The following DSTN variants were observed in gnomAD, a reference collection of about 807,000 sequenced individuals.
DSTN encodes destrin, actin depolymerizing factor.
A neutral mutation model predicts 16.8 loss-of-function variants in DSTN; 10 were observed. The ratio of observed to expected loss-of-function variants is 0.60; its 90% CI spans 0.37 to 1.01. The LOEUF is 1.01. Among genes scored for constraint, DSTN ranks in the 50% least tolerant of loss-of-function variants. DSTN has a pLI of 0.01. For missense variants in DSTN, 141 were observed against 196.7 expected, an observed-to-expected ratio of 0.72 and a Z score of 1.69; for synonymous variants, 57 against 58.9, an observed-to-expected ratio of 0.97 and a Z score of 0.14.
intron 3 of DSTN, 86 bp from the exon 4 acceptor site, chr20:17,606,951 C>A: frequency 7.7e-7 from 1 of 1,299,038 alleles, no homozygotes; most frequent in Non-Finnish European, 1.1e-6. Flanking sequence ...CAGATTAGAA[C>A]TGGTCTTTTA....
intron 1 of DSTN, among the ~76,000 whole-genome samples, chr20:17,575,436 TAATA>T (rs1368489088): frequency 2.0e-5 from 3 of 151,892 alleles, no homozygotes; most frequent in African/African-American, 7.3e-5. Flanking sequence ...CCACAGAGCA[TAATA>T]AATAAGTAGA....
chr20:17,575,419 A>G (rs953869511), intron 1 of DSTN, among the ~76,000 whole-genome samples: 5 of 152,070 alleles, frequency 3.3e-5, no homozygotes, highest in African/African-American at 1.2e-4. Context: ...TCATTTGCAT[A>G]TGTAAACCAC....
At chr20:17,574,870 GTTTTTTTT>G (rs533880691) in intron 1 of DSTN, among the ~76,000 whole-genome samples, 1 of 81,158 alleles carries the variant, frequency 1.2e-5, no homozygotes, top group African/African-American at 4.9e-5. Flanking sequence ...CTTTTCTTTT[GTTTTTTTT>G]TTTTTTTTTT....
At chr20:17,595,256 T>G (rs2035514000) in intron 1 of DSTN, among the ~76,000 whole-genome samples, 1 of 152,152 alleles carries the variant, frequency 6.6e-6, no homozygotes, top group Non-Finnish European at 1.5e-5. Context: ...TGTTCTGAAT[T>G]GTTAGTAGTA....
At chr20:17,582,372 C>T (rs555314410) in intron 1 of DSTN, among the ~76,000 whole-genome samples, 11 of 152,242 alleles carry the variant, frequency 7.2e-5, no homozygotes, top group African/African-American at 2.4e-4. Flanking sequence ...AACCACCACA[C>T]CCGGCCCCGA....
In DSTN at chr20:17,607,483, C is replaced by CT. The variant is rs1207602898; in HGVS notation, c.*340dup. 1 of 197,062 alleles carries CT rather than the reference C, an allele frequency of 5.1e-6. No homozygotes were observed. The highest frequency in any genetic ancestry group is 1.0e-5 in the Non-Finnish European group (1 of 98,048). 12.2% of individuals were successfully genotyped at this position (197,062 alleles called of 1,614,324 possible). On this transcript the variant is annotated 3_prime_UTR_variant, in exon 4 of 4. Transcript: ENST00000246069. Reference sequence around the variant, plus strand: ...ACATCTTTATTAACCTCAGCATTTACTTTGTTTCTTTTGCTTAGGAAATTG... The same window carrying CT: ...ACATCTTTATTAACCTCAGCATTTACTTTTGTTTCTTTTGCTTAGGAAATTG...
At position 17,608,614 on chromosome 20, in the gene DSTN, T is replaced by G. The variant is rs1017862158; in HGVS notation, c.*1468T>G. The G allele has an allele frequency of 6.4e-5, 8 of 124,870 alleles. No homozygotes were observed. The highest frequency in any genetic ancestry group is 1.1e-4 in the Non-Finnish European group (7 of 62,882). 7.7% of individuals were successfully genotyped at this position (124,870 alleles called of 1,614,324 possible). A position where few individuals can be genotyped will look rare whatever the true frequency, so the allele number is the denominator to read the frequency against. ...GCCTGGATGACAGAGCAAGACCTTG[T>G]CTCAAAAAAAAAAAAAAAAGTCACA... On this transcript the variant is annotated 3_prime_UTR_variant, in exon 4 of 4. Transcript: ENST00000246069.
At chr20:17,574,244 G>A (rs1365995295) in intron 1 of DSTN, among the ~76,000 whole-genome samples, 2 of 152,058 alleles carry the variant, frequency 1.3e-5, no homozygotes, top group African/African-American at 4.8e-5. Flanking sequence ...ACCTCATACT[G>A]AGGAGTAATA....
chr20:17,574,807 C>CTCCTT (rs1164894287), intron 1 of DSTN, among the ~76,000 whole-genome samples: 1 of 141,814 alleles, frequency 7.1e-6, no homozygotes, highest in Non-Finnish European at 1.5e-5. Flanking sequence ...TCTTTTCTTT[C>CTCCTT]TCCTTTCCTT....
intron 1 of DSTN, among the ~76,000 whole-genome samples, chr20:17,573,765 T>C (rs192389269): frequency 2.6e-5 from 4 of 152,338 alleles, no homozygotes; most frequent in Admixed American, 1.3e-4. Flanking sequence ...ACTAGTGAGC[T>C]GACTCTTTTC....
At chr20:17,590,421 G>A (rs2035457178) in intron 1 of DSTN, among the ~76,000 whole-genome samples, 1 of 152,162 alleles carries the variant, frequency 6.6e-6, no homozygotes, top group African/African-American at 2.4e-5. Context: ...GTTAAAAACT[G>A]GTAGTCAAGC....
intron 1 of DSTN, among the ~76,000 whole-genome samples, chr20:17,598,987 A>G (rs2035557033): frequency 6.6e-6 from 1 of 152,236 alleles, no homozygotes; most frequent in African/African-American, 2.4e-5. Flanking sequence ...CAAGAGAATT[A>G]AAAACATGCC....
intron 1 of DSTN, among the ~76,000 whole-genome samples, chr20:17,591,397 A>G (rs1333891412): frequency 6.6e-6 from 1 of 151,398 alleles, no homozygotes; most frequent in Non-Finnish European, 1.5e-5. Flanking sequence ...CACTATTTCC[A>G]GAAAGGGCCC....
At chr20:17,587,486 CTT>C (rs1385335581) in intron 1 of DSTN, among the ~76,000 whole-genome samples, 1 of 152,078 alleles carries the variant, frequency 6.6e-6, no homozygotes, top group Non-Finnish European at 1.5e-5. Context: ...TGTTTTGACT[CTT>C]TCCAAATTAA....
intron 2 of DSTN, among the ~76,000 whole-genome samples, chr20:17,602,017 T>C (rs139881677): frequency 6.6e-6 from 1 of 152,150 alleles, no homozygotes; most frequent in East Asian, 1.9e-4. Flanking sequence ...GGGACTTAGC[T>C]TTTAGCTATG....
chr20:17,574,619 A>C (rs1197936304), intron 1 of DSTN, among the ~76,000 whole-genome samples: 1 of 150,460 alleles, frequency 6.6e-6, no homozygotes, highest in African/African-American at 2.4e-5. Flanking sequence ...CCAGCTACTC[A>C]GGAGGCTGAG....
chr20:17,585,652 C>T (rs1396473125), intron 1 of DSTN, among the ~76,000 whole-genome samples: 1 of 151,816 alleles, frequency 6.6e-6, no homozygotes, highest in Non-Finnish European at 1.5e-5. Flanking sequence ...CACATATATA[C>T]ACACACACAC....
intron 1 of DSTN, among the ~76,000 whole-genome samples, chr20:17,570,748 T>G (rs2035193802): frequency 6.6e-6 from 1 of 152,212 alleles, no homozygotes. Flanking sequence ...CACGGAATGA[T>G]CGCTAACGAG....
At chr20:17,591,828 A>G (rs1347555524) in intron 1 of DSTN, 4 of 920,956 alleles carry the variant, frequency 4.3e-6, no homozygotes, top group Non-Finnish European at 3.9e-6. Context: ...TGTTACTCTC[A>G]TGATTTTAGT....
Sources: allele counts gnomAD v4.1 joint callset (sites outside exome capture counted in the v4.1 genomes callset), GRCh38; gene constraint gnomAD v4.1.1; transcripts MANE v1.5; gene names NCBI Gene and HGNC (gene_info 2026-07-23, HGNC 2026-07-21).